Variants in ARID5B observed in about 807,000 individuals in gnomAD.
ARID5B encodes AT-rich interaction domain 5B.
ARID5B carries 13 observed loss-of-function variants against 97.2 expected under a neutral mutation model. The observed-to-expected ratio is 0.13, with a 90% CI of 0.09 to 0.21. The LOEUF (loss-of-function observed/expected upper bound fraction) is 0.21. Among genes scored for constraint, ARID5B ranks in the 10% least tolerant of loss-of-function variants. The pLI is 1.00. For synonymous variants in ARID5B, 556 were observed against 570.3 expected (o/e 0.97, Z 0.36); for missense variants, 1,210 against 1,465.3 (o/e 0.83, Z 2.84).
intron 4 of ARID5B, among the ~76,000 whole-genome samples, chr10:62,037,654 C>G (rs889565979): frequency 5.3e-5 from 8 of 152,164 alleles, no homozygotes; most frequent in East Asian, 1.9e-4. Flanking sequence ...AAACCGCCCC[C>G]CTTCTTTATT....
At chr10:62,032,748 C>T (rs187005910) in intron 4 of ARID5B, among the ~76,000 whole-genome samples, 4 of 152,164 alleles carry the variant, frequency 2.6e-5, no homozygotes, top group Admixed American at 6.5e-5. Context: ...AATATTGGAT[C>T]GGTGAATATT....
intron 4 of ARID5B, among the ~76,000 whole-genome samples, chr10:62,042,798 C>T (rs1183207639): frequency 6.6e-6 from 1 of 151,766 alleles, no homozygotes; most frequent in Non-Finnish European, 1.5e-5. Flanking sequence ...GCCTGTAGTC[C>T]CAGCTACTCG....
chr10:61,948,733 A>G (rs1424328937), intron 3 of ARID5B, among the ~76,000 whole-genome samples: 4 of 152,148 alleles, frequency 2.6e-5, no homozygotes, highest in Admixed American at 6.5e-5. Flanking sequence ...AGAATCCTAG[A>G]GCCAGAATAG....
chr10:61,965,986 G>A (rs575155642), intron 3 of ARID5B, among the ~76,000 whole-genome samples: 4 of 152,246 alleles, frequency 2.6e-5, no homozygotes, highest in African/African-American at 7.2e-5. Context: ...ATCTAATCCT[G>A]TTCTAAATCA....
At chr10:61,945,573 C>T (rs1844486075) in intron 3 of ARID5B, among the ~76,000 whole-genome samples, 1 of 152,042 alleles carries the variant, frequency 6.6e-6, no homozygotes, top group African/African-American at 2.4e-5. Context: ...TTTCACTCTG[C>T]CATTTTCCAT....
intron 3 of ARID5B, among the ~76,000 whole-genome samples, chr10:61,962,679 C>T (rs1838488016): frequency 6.6e-6 from 1 of 152,172 alleles, no homozygotes; most frequent in African/African-American, 2.4e-5. Flanking sequence ...AAATATTATG[C>T]AGGTAAATGA....
chr10:61,966,616 C>G (rs1169736572), intron 3 of ARID5B, among the ~76,000 whole-genome samples: 1 of 152,066 alleles, frequency 6.6e-6, no homozygotes, highest in African/African-American at 2.4e-5. Flanking sequence ...CCCGTTGAGA[C>G]TAGTTCCCTT....
intron 5 of ARID5B, 37 bp downstream of exon 5, chr10:62,051,037 A>T: frequency 6.4e-7 from 1 of 1,556,338 alleles, no homozygotes; most frequent in Non-Finnish European, 8.9e-7. Context: ...ATTTCGTTGC[A>T]TCTTTTTATT....
At chr10:62,031,144 G>A (rs975445207) in intron 4 of ARID5B, among the ~76,000 whole-genome samples, 12 of 152,222 alleles carry the variant, frequency 7.9e-5, no homozygotes, top group South Asian at 6.2e-4. Flanking sequence ...TGTGGCAGGA[G>A]AGTCACTTGA....
rs559855915 is a variant in ARID5B at position 62,036,423 on chromosome 10, G to A, written c.734-14465G>A. 1.8e-3 allele frequency among the ~76,000 whole-genome samples: 277 copies of A among 152,208 alleles called. 2 individuals are homozygous for A. Among genetic ancestry groups the A allele is most frequent in the African/African-American group, 6.2e-3 (259 of 41,514 alleles). On this transcript the variant is annotated intron_variant, in intron 4 of 9. Transcript: ENST00000279873. ...TAGCAAGCAGGTGGCGGTTGTTGACGCCCAATGCCAGAGCACTTTCCTGAT... is the reference window on the plus strand; with the variant it reads ...TAGCAAGCAGGTGGCGGTTGTTGACACCCAATGCCAGAGCACTTTCCTGAT...
chr10:61,953,773 C>T (rs555847332), intron 3 of ARID5B, among the ~76,000 whole-genome samples: 2 of 152,136 alleles, frequency 1.3e-5, no homozygotes, highest in Non-Finnish European at 2.9e-5. Context: ...GGGAAGATTA[C>T]GTTAGATCAT....
At chr10:61,994,222 T>C (rs1838966225) in intron 3 of ARID5B, among the ~76,000 whole-genome samples, 1 of 152,170 alleles carries the variant, frequency 6.6e-6, no homozygotes, top group African/African-American at 2.4e-5. Flanking sequence ...CACTAGGCTC[T>C]ATAAAATCCT....
rs1373299030 is a variant in ARID5B at position 62,095,536 on chromosome 10, C to T, written c.*2506C>T. ...AACATAGTCCAGCTTTTGTTTTTCT[C>T]ATCTCTTCTGAGAGGAGACTCACTG... is the stretch of plus-strand genomic sequence containing the variant. On this transcript the variant is annotated 3_prime_UTR_variant, in exon 10 of 10. Coordinates refer to ENST00000279873, the MANE Select transcript of ARID5B (RefSeq NM_032199.3). 1 of 233,528 alleles carries T rather than the reference C, an allele frequency of 4.3e-6. No individual in the cohort carries two copies. Among genetic ancestry groups the T allele is most frequent in the African/African-American group, 2.2e-5 (1 of 45,330 alleles). 14.5% of individuals were successfully genotyped at this position (233,528 alleles called of 1,614,324 possible).
intron 3 of ARID5B, among the ~76,000 whole-genome samples, chr10:61,947,836 C>A (rs1200155056): frequency 6.6e-6 from 1 of 152,132 alleles, no homozygotes; most frequent in African/African-American, 2.4e-5. Flanking sequence ...AACAGCTGGT[C>A]GTTGATAATG....
chr10:62,023,176 C>T (rs1026335413), intron 4 of ARID5B, among the ~76,000 whole-genome samples: 3 of 152,210 alleles, frequency 2.0e-5, no homozygotes, highest in African/African-American at 7.2e-5. Flanking sequence ...TAAAGTAACA[C>T]TTCTCTGTGG....
chr10:61,992,890 C>T (rs1035278057), intron 3 of ARID5B, among the ~76,000 whole-genome samples: 1 of 152,168 alleles, frequency 6.6e-6, no homozygotes, highest in Admixed American at 6.5e-5. Context: ...CACCAGCTGA[C>T]TTACAGTACA....
chr10:62,040,150 C>T (rs1839617014), intron 4 of ARID5B, among the ~76,000 whole-genome samples: 1 of 152,186 alleles, frequency 6.6e-6, no homozygotes, highest in African/African-American at 2.4e-5. Context: ...CTCACTCTCT[C>T]TCTCTTTCTG....
At chr10:61,983,867 CTTTTTTTTTTTTT>C (rs1164342402) in intron 3 of ARID5B, among the ~76,000 whole-genome samples, 1 of 27,590 alleles carries the variant, frequency 3.6e-5, no homozygotes, top group Non-Finnish European at 6.3e-5. Flanking sequence ...CCCTTTTGTT[CTTTTTTTTTTTTT>C]TTTTTTTTTT....
intron 3 of ARID5B, among the ~76,000 whole-genome samples, chr10:61,996,814 G>T (rs1013084511): frequency 2.6e-4 from 40 of 151,500 alleles, no homozygotes; most frequent in African/African-American, 8.5e-4. Context: ...AGAGAGAAGA[G>T]ATTTTGCTTC....
Sources: allele counts gnomAD v4.1 joint callset (sites outside exome capture counted in the v4.1 genomes callset), GRCh38; gene constraint gnomAD v4.1.1; transcripts MANE v1.5; gene names NCBI Gene and HGNC (gene_info 2026-07-23, HGNC 2026-07-21).